Variants in SNX29 observed in about 807,000 individuals in gnomAD.
The protein encoded by SNX29 is sorting nexin 29, also known as sorting nexin-29.
A neutral mutation model predicts 102.1 loss-of-function variants in SNX29; 78 were observed. The observed-to-expected ratio is 0.76, with a 90% CI of 0.64 to 0.92. SNX29 has a LOEUF of 0.92. Ranked by LOEUF, SNX29 falls within the 40% of genes least tolerant of loss-of-function variation. SNX29 has a pLI of 0.00. For synonymous variants in SNX29, 580 were observed against 414.5 expected, an observed-to-expected ratio of 1.40 and a Z score of -4.85; for missense variants, 1,280 against 1,061.7, an observed-to-expected ratio of 1.21 and a Z score of -2.86.
intron 16 of SNX29, among the ~76,000 whole-genome samples, chr16:12,394,563 T>C (rs1391184477): frequency 6.6e-6 from 1 of 152,256 alleles, no homozygotes; most frequent in South Asian, 2.1e-4. Context: ...GGTGGTTCTT[T>C]TACGTCATGT....
intron 9 of SNX29, among the ~76,000 whole-genome samples, chr16:12,065,960 C>A (rs966090734): frequency 6.6e-6 from 1 of 152,100 alleles, no homozygotes; most frequent in Non-Finnish European, 1.5e-5. Context: ...GTCTTGGGGG[C>A]CTTAAGGATG....
intron 3 of SNX29, among the ~76,000 whole-genome samples, chr16:12,015,351 C>T (rs1248276274): frequency 6.6e-6 from 1 of 152,050 alleles, no homozygotes; most frequent in Non-Finnish European, 1.5e-5. Context: ...AGTGATTCTC[C>T]TGCCTCAGCG....
chr16:12,234,797 G>C (rs2077875563), intron 14 of SNX29, among the ~76,000 whole-genome samples: 1 of 152,144 alleles, frequency 6.6e-6, no homozygotes, highest in Admixed American at 6.5e-5. Context: ...AAATTACTTA[G>C]GGCTATGTCC....
At chr16:12,394,790 T>A (rs752285326) in intron 16 of SNX29, among the ~76,000 whole-genome samples, 2 of 152,232 alleles carry the variant, frequency 1.3e-5, no homozygotes, top group African/African-American at 4.8e-5. Context: ...GCTCCTGATA[T>A]CTTTACTTCC....
chr16:12,518,181 G>C (rs1024933915), intron 19 of SNX29, among the ~76,000 whole-genome samples: 23 of 152,210 alleles, frequency 1.5e-4, no homozygotes, highest in African/African-American at 5.5e-4. Context: ...AGCTCTCTCT[G>C]CCTAAGCTTC....
chr16:12,063,546 T>C (rs913284644), intron 9 of SNX29, among the ~76,000 whole-genome samples: 16 of 151,892 alleles, frequency 1.1e-4, no homozygotes, highest in African/African-American at 3.9e-4. Context: ...GGCTAAATTC[T>C]TTTTGTATTT....
intron 10 of SNX29, among the ~76,000 whole-genome samples, chr16:12,072,126 G>T (rs1164659409): frequency 6.6e-6 from 1 of 152,168 alleles, no homozygotes; most frequent in African/African-American, 2.4e-5. Flanking sequence ...GGGACAATTT[G>T]ACTTCCTCTT....
chr16:12,537,583 CTTCTTTG>C (rs1567670665), intron 20 of SNX29, among the ~76,000 whole-genome samples: 3 of 152,146 alleles, frequency 2.0e-5, no homozygotes, highest in Admixed American at 2.0e-4. Context: ...TTTGTTTTTA[CTTCTTTG>C]TTCAAACTCT....
At chr16:12,527,027 T>G in intron 20 of SNX29, 1 of 400,866 alleles carries the variant, frequency 2.5e-6, no homozygotes, top group Non-Finnish European at 4.7e-6. Context: ...CTGTGGCAAA[T>G]GACACAGTGT....
In SNX29 at chr16:12,125,603, C is replaced by CTTT. The variant is rs1273937330; in HGVS notation, c.1403-1029_1403-1028insTTT. Among the ~76,000 whole-genome samples, 2 of 71,496 alleles carry CTTT rather than the reference C, an allele frequency of 2.8e-5. 1 individual carries two copies. The allele number at this position is 71,496 out of a possible 152,430, so 46.9% of individuals were successfully genotyped here. On this transcript the variant is annotated intron_variant, in intron 11 of 20. Coordinates refer to ENST00000566228, the MANE Select transcript of SNX29 (RefSeq NM_032167.5). ...CAAGGGGGGCTTGTGGCTGAGATCTCTCTTTTTTTTTTTTTTTTTTTTTTT... is the reference window on the plus strand; with the variant it reads ...CAAGGGGGGCTTGTGGCTGAGATCTCTTTTCTTTTTTTTTTTTTTTTTTTTTTT...
chr16:12,010,822 C>G (rs1241263247), intron 3 of SNX29, among the ~76,000 whole-genome samples: 1 of 151,944 alleles, frequency 6.6e-6, no homozygotes, highest in African/African-American at 2.4e-5. Flanking sequence ...AAACCAAAAC[C>G]AGCTGCCCTT....
chr16:12,306,626 G>C (rs1172968927), intron 15 of SNX29, among the ~76,000 whole-genome samples: 2 of 152,162 alleles, frequency 1.3e-5, no homozygotes, highest in African/African-American at 2.4e-5. Flanking sequence ...GAAATTGAAG[G>C]CAACTTTCAA....
intron 20 of SNX29, among the ~76,000 whole-genome samples, chr16:12,551,882 T>C (rs761708377): frequency 2.0e-5 from 3 of 152,192 alleles, no homozygotes; most frequent in Non-Finnish European, 4.4e-5. Context: ...CTAGCCTGTC[T>C]GCTCATCTGT....
intron 13 of SNX29, among the ~76,000 whole-genome samples, chr16:12,149,814 C>G (rs1349393538): frequency 1.3e-5 from 2 of 152,158 alleles, no homozygotes; most frequent in South Asian, 4.1e-4. Flanking sequence ...ATGATCTTTA[C>G]CAGCCTCAGT....
chr16:11,991,652 C>T (rs1049704719), intron 1 of SNX29, among the ~76,000 whole-genome samples: 1 of 151,748 alleles, frequency 6.6e-6, no homozygotes, highest in African/African-American at 2.4e-5. Context: ...AAGTGATTCT[C>T]CTGCCTCAGC....
At position 12,053,312 on chromosome 16, in the gene SNX29, C is replaced by G. The variant is rs112908843; in HGVS notation, c.1124+1090C>G. 2.0e-5 allele frequency: 3 copies of G among 150,236 alleles called. No homozygotes were observed. In the East Asian group the frequency reaches 5.8e-4, roughly 29 times the overall value. 9.3% of individuals were successfully genotyped at this position (150,236 alleles called of 1,614,324 possible). On this transcript the variant is annotated intron_variant, in intron 8 of 20. Coordinates refer to ENST00000566228, the MANE Select transcript of SNX29 (RefSeq NM_032167.5). Reference sequence around the variant, plus strand: ...AAAAAAAAAAAAAAAAAAAGTCCCCCAAATACCCCAAATAAGCTAGTTACC... The same window carrying G: ...AAAAAAAAAAAAAAAAAAAGTCCCCGAAATACCCCAAATAAGCTAGTTACC...
chr16:12,279,389 T>G (rs1413881172), intron 15 of SNX29, among the ~76,000 whole-genome samples: 1 of 152,190 alleles, frequency 6.6e-6, no homozygotes, highest in Non-Finnish European at 1.5e-5. Flanking sequence ...GCATTCTAAC[T>G]CAGGTGAGCT....
At chr16:12,378,994 AT>A (rs1452352878) in intron 16 of SNX29, among the ~76,000 whole-genome samples, 2 of 152,178 alleles carry the variant, frequency 1.3e-5, no homozygotes, top group Non-Finnish European at 2.9e-5. Flanking sequence ...AGATATGCTG[AT>A]TGACTGAAGT....
At chr16:12,005,587 A>G (rs1447033160) in intron 3 of SNX29, among the ~76,000 whole-genome samples, 1 of 152,050 alleles carries the variant, frequency 6.6e-6, no homozygotes, top group East Asian at 1.9e-4. Context: ...GTGTCTAAGT[A>G]TCCATGACTT....
Sources: gnomAD v4.1 joint callset for allele counts (sites outside exome capture counted in the v4.1 genomes callset) on GRCh38, gnomAD v4.1.1 for gene constraint, MANE v1.5 for transcripts, NCBI Gene and HGNC (gene_info 2026-07-23, HGNC 2026-07-21) for gene names.